Variants in HS3ST5 observed in about 807,000 individuals in gnomAD.
The protein encoded by HS3ST5 is heparan sulfate glucosamine 3-O-sulfotransferase 5.
A neutral mutation model predicts 25.4 loss-of-function variants in HS3ST5; 10 were observed. That is an observed-to-expected ratio of 0.39 (90% CI 0.24 to 0.67). The LOEUF (loss-of-function observed/expected upper bound fraction) is 0.67, where lower values mean the gene tolerates loss of function less well. Among genes scored for constraint, HS3ST5 ranks in the 30% least tolerant of loss-of-function variants. The pLI, the probability that HS3ST5 is intolerant of heterozygous loss-of-function variation, is 0.44. For missense variants in HS3ST5, 324 were observed against 420.7 expected (o/e 0.77, Z 2.01); for synonymous variants, 170 against 162.4 (o/e 1.05, Z -0.36).
intron 3 of HS3ST5, among the ~76,000 whole-genome samples, chr6:114,115,539 A>T (rs904573527): frequency 6.6e-6 from 1 of 151,656 alleles, no homozygotes; most frequent in Non-Finnish European, 1.5e-5. Context: ...AGAAGCATAG[A>T]TGCCAGATTG....
At chr6:114,185,585 TG>T (rs1780181231) in intron 2 of HS3ST5, among the ~76,000 whole-genome samples, 1 of 152,210 alleles carries the variant, frequency 6.6e-6, no homozygotes, top group Non-Finnish European at 1.5e-5. Flanking sequence ...TGAAGGTTCA[TG>T]GCAACCCTCC....
chr6:114,155,202 A>G (rs1778643813), intron 3 of HS3ST5, among the ~76,000 whole-genome samples: 1 of 152,196 alleles, frequency 6.6e-6, no homozygotes. Context: ...TATGATACAA[A>G]TTTTGTTAAT....
chr6:114,328,693 T>C (rs1776271339), intron 1 of HS3ST5, among the ~76,000 whole-genome samples: 1 of 152,224 alleles, frequency 6.6e-6, no homozygotes, highest in Non-Finnish European at 1.5e-5. Context: ...GTAATAATAC[T>C]TTATTGTCAT....
At chr6:114,063,285 C>T (rs537848941) in intron 3 of HS3ST5, among the ~76,000 whole-genome samples, 56 of 152,190 alleles carry the variant, frequency 3.7e-4, no homozygotes, top group African/African-American at 1.3e-3. Context: ...GAGGCCAAGG[C>T]GGGTGGATCA....
At chr6:114,206,454 T>C (rs1354915494) in intron 2 of HS3ST5, among the ~76,000 whole-genome samples, 1 of 152,184 alleles carries the variant, frequency 6.6e-6, no homozygotes, top group African/African-American at 2.4e-5. Context: ...AATAAAACTA[T>C]CATAAATTAT....
intron 2 of HS3ST5, among the ~76,000 whole-genome samples, chr6:114,217,311 A>G (rs1781817473): frequency 6.6e-6 from 1 of 152,202 alleles, no homozygotes; most frequent in Non-Finnish European, 1.5e-5. Flanking sequence ...CCTTTTCCAA[A>G]GCTGCAGGTT....
At chr6:114,168,870 G>A (rs901309618) in intron 2 of HS3ST5, among the ~76,000 whole-genome samples, 8 of 152,152 alleles carry the variant, frequency 5.3e-5, no homozygotes, top group Non-Finnish European at 1.2e-4. Context: ...CTCCAGACCT[G>A]TTGATAGCTA....
rs570004906 is a variant in HS3ST5 at position 114,147,945 on chromosome 6, C to T, written c.-33+20406G>A. Among the ~76,000 whole-genome samples the T allele has an allele frequency of 5.9e-5, 9 of 152,154 alleles. No homozygotes were observed. The South Asian group carries it at 1.9e-3, about 32-fold the overall frequency. On this transcript the variant is annotated intron_variant, in intron 3 of 4. Transcript: ENST00000312719. ...TTGATCTCTGTTGCAGCATATATAT[C>T]CTCCTTCATCCGAATGCATAAAATT... is the stretch of plus-strand genomic sequence containing the variant.
intron 1 of HS3ST5, among the ~76,000 whole-genome samples, chr6:114,259,329 C>G (rs912801960): frequency 6.6e-6 from 1 of 152,284 alleles, no homozygotes; most frequent in South Asian, 2.1e-4. Flanking sequence ...ATCTCTTCCT[C>G]TATATAATAA....
At chr6:114,306,917 A>C (rs1775320830) in intron 1 of HS3ST5, among the ~76,000 whole-genome samples, 1 of 152,194 alleles carries the variant, frequency 6.6e-6, no homozygotes, top group African/African-American at 2.4e-5. Context: ...TGTCCATTTC[A>C]ACATCTATTT....
At chr6:114,276,933 T>G (rs1773882537) in intron 1 of HS3ST5, among the ~76,000 whole-genome samples, 1 of 151,998 alleles carries the variant, frequency 6.6e-6, no homozygotes, top group South Asian at 2.1e-4. Flanking sequence ...TAGATCTTGT[T>G]GGAAGATATT....
chr6:114,187,903 C>T (rs1392712429), intron 2 of HS3ST5, among the ~76,000 whole-genome samples: 1 of 152,134 alleles, frequency 6.6e-6, no homozygotes, highest in African/African-American at 2.4e-5. Flanking sequence ...GCAAGACCCT[C>T]CACCAGCAAA....
chr6:114,272,134 A>G (rs1024003177), intron 1 of HS3ST5, among the ~76,000 whole-genome samples: 3 of 152,136 alleles, frequency 2.0e-5, no homozygotes, highest in Admixed American at 2.0e-4. Flanking sequence ...GGGTCACCTA[A>G]GAGTCACCTT....
intron 2 of HS3ST5, among the ~76,000 whole-genome samples, chr6:114,171,968 A>C (rs113623893): frequency 2.6e-4 from 39 of 152,192 alleles, no homozygotes; most frequent in African/African-American, 9.2e-4. Flanking sequence ...GAATTCTCTA[A>C]TATTTTATTA....
chr6:114,200,562 G>A (rs1195600418), intron 2 of HS3ST5, among the ~76,000 whole-genome samples: 1 of 152,006 alleles, frequency 6.6e-6, no homozygotes, highest in Non-Finnish European at 1.5e-5. Flanking sequence ...TTTCTGGGTT[G>A]GGAAAAGATT....
rs1032680343 is a variant in HS3ST5 at position 114,055,924 on chromosome 6, G to A, written c.*1333C>T. The A allele has an allele frequency of 1.3e-5, 2 of 152,226 alleles. No homozygotes were observed. Among genetic ancestry groups the A allele is most frequent in the African/African-American group, 4.8e-5 (2 of 41,448 alleles). The allele number at this position is 152,226 out of a possible 1,614,324, so 9.4% of individuals were successfully genotyped here. ...AATTTAGCATTAATTTCTCTGGATG[G>A]AAATATGAGCCATATGTTTATGTTA... is the stretch of plus-strand genomic sequence containing the variant. On this transcript the variant is annotated 3_prime_UTR_variant, in exon 5 of 5. Coordinates refer to ENST00000312719, the MANE Select transcript of HS3ST5 (RefSeq NM_153612.4).
chr6:114,270,136 C>T (rs1216204216), intron 1 of HS3ST5, among the ~76,000 whole-genome samples: 5 of 152,140 alleles, frequency 3.3e-5, no homozygotes, highest in African/African-American at 1.2e-4. Flanking sequence ...TGATATGATG[C>T]TGAGAATTCT....
intron 3 of HS3ST5, among the ~76,000 whole-genome samples, chr6:114,163,941 C>G (rs1779092759): frequency 6.6e-6 from 1 of 152,024 alleles, no homozygotes; most frequent in African/African-American, 2.4e-5. Context: ...CTGCAGTTTT[C>G]TCAGCTGTAT....
At chr6:114,077,614 C>T (rs1011976472) in intron 3 of HS3ST5, among the ~76,000 whole-genome samples, 11 of 152,280 alleles carry the variant, frequency 7.2e-5, no homozygotes, top group Admixed American at 4.6e-4. Context: ...TTCCAGTTAA[C>T]TGGATTAAGC....
Sources: gnomAD v4.1 joint callset for allele counts (sites outside exome capture counted in the v4.1 genomes callset) on GRCh38, gnomAD v4.1.1 for gene constraint, MANE v1.5 for transcripts, NCBI Gene and HGNC (gene_info 2026-07-23, HGNC 2026-07-21) for gene names.